EIF3H: variants seen among roughly 807,000 people sequenced by gnomAD.
The protein encoded by EIF3H is eIF-3-gamma.
Under a neutral mutation model 44.2 loss-of-function variants are expected in EIF3H, and 26 were observed. The ratio of observed to expected loss-of-function variants is 0.59; its 90% CI spans 0.43 to 0.82. EIF3H has a LOEUF of 0.82. Ranked by LOEUF, EIF3H falls within the 40% of genes least tolerant of loss-of-function variation. The pLI is 0.00. For missense variants in EIF3H, 359 were observed against 432.8 expected, an observed-to-expected ratio of 0.83 and a Z score of 1.51; for synonymous variants, 166 against 151.9, an observed-to-expected ratio of 1.09 and a Z score of -0.68.
chr8:116,748,164 A>C (rs570117605), intron 1 of EIF3H, among the ~76,000 whole-genome samples: 64 of 152,042 alleles, frequency 4.2e-4, no homozygotes, highest in Non-Finnish European at 5.1e-4. Flanking sequence ...AAAACAAAAA[A>C]AAAAACAAAA....
In EIF3H at chr8:116,709,494, C is replaced by T. The variant is rs145737530; in HGVS notation, c.289+16522G>A. ...TTTATCAAAAAGGTAACCATATGCA[C>T]GTATGCAAAAAGAACTATTGTACAA... On this transcript the variant is annotated intron_variant, in intron 2 of 7. Coordinates refer to ENST00000521861, the MANE Select transcript of EIF3H (RefSeq NM_003756.3). 2.7e-3 allele frequency among the ~76,000 whole-genome samples: 418 copies of T among 152,216 alleles called. 1 individual carries two copies. Among genetic ancestry groups the T allele is most frequent in the African/African-American group, 9.7e-3 (402 of 41,536 alleles).
chr8:116,719,505 T>C (rs1814709693), intron 2 of EIF3H, among the ~76,000 whole-genome samples: 1 of 152,036 alleles, frequency 6.6e-6, no homozygotes, highest in South Asian at 2.1e-4. Flanking sequence ...GAAAGCATAG[T>C]CATCCAGGAA....
chr8:116,665,807 T>C (rs939418604), intron 2 of EIF3H, among the ~76,000 whole-genome samples: 1 of 152,368 alleles, frequency 6.6e-6, no homozygotes, highest in South Asian at 2.1e-4. Flanking sequence ...ATCAGACTTT[T>C]TGCCAAGCTG....
rs1206909219 is a variant in EIF3H at position 116,723,077 on chromosome 8, C to A, written c.289+2939G>T. 2.0e-5 allele frequency among the ~76,000 whole-genome samples: 3 copies of A among 152,200 alleles called. No individual in the cohort carries two copies. The South Asian group carries it at 6.2e-4, about 32-fold the overall frequency. The stretch of plus-strand genomic sequence containing the variant: ...ATAATTGCAATGAATATTATTTCTT[C>A]ATATTCTAAACCAAGAATATGATTT... On this transcript the variant is annotated intron_variant, in intron 2 of 7. Transcript: ENST00000521861.
In EIF3H at chr8:116,643,075, G is replaced by C. The variant is rs1393834317; in HGVS notation, c.*1931C>G. ...TTATTTTGCTCGCTTGCTACTTTAA[G>C]GGTGCTTTGTTTAACTCCACAATAA... On this transcript the variant is annotated 3_prime_UTR_variant, in exon 8 of 8. Coordinates refer to ENST00000521861, the MANE Select transcript of EIF3H (RefSeq NM_003756.3). The C allele has an allele frequency of 1.3e-5, 2 of 152,182 alleles. No individual in the cohort carries two copies. Among genetic ancestry groups the C allele is most frequent in the Non-Finnish European group, 2.9e-5 (2 of 68,028 alleles). 9.4% of individuals were successfully genotyped at this position (152,182 alleles called of 1,614,324 possible). A position where few individuals can be genotyped will look rare whatever the true frequency, so the allele number is the denominator to read the frequency against.
chr8:116,692,067 A>G (rs978666064), intron 2 of EIF3H, among the ~76,000 whole-genome samples: 14 of 152,280 alleles, frequency 9.2e-5, no homozygotes, highest in Admixed American at 2.6e-4. Flanking sequence ...TAAGTAGTAC[A>G]GCTTTCTAGA....
chr8:116,746,893 G>A (rs200117704), intron 1 of EIF3H, among the ~76,000 whole-genome samples: 2 of 151,942 alleles, frequency 1.3e-5, no homozygotes, highest in Non-Finnish European at 2.9e-5. Context: ...AAAGCAAGGG[G>A]ATAAGAAACA....
intron 1 of EIF3H, among the ~76,000 whole-genome samples, chr8:116,736,522 C>T (rs966820037): frequency 2.6e-5 from 4 of 152,080 alleles, no homozygotes; most frequent in Admixed American, 6.6e-5. Context: ...ATTAGCTGGG[C>T]GTGGTGGCAC....
At chr8:116,648,974 C>T (rs747406198) in intron 5 of EIF3H, 48 bp from the exon 6 acceptor site, 8 of 1,549,134 alleles carry the variant, frequency 5.2e-6, no homozygotes, top group Admixed American at 1.8e-5. Context: ...TAAATTATAG[C>T]TTTGCTACTG....
intron 2 of EIF3H, among the ~76,000 whole-genome samples, chr8:116,669,452 G>A (rs1015063166): frequency 6.6e-6 from 1 of 152,196 alleles, no homozygotes; most frequent in African/African-American, 2.4e-5. Flanking sequence ...GGATGGGAAA[G>A]AGGAGTGAGC....
intron 4 of EIF3H, 133 bp from the exon 5 acceptor site, chr8:116,656,138 AGT>A (rs1813485599): frequency 1.9e-5 from 13 of 697,702 alleles, no homozygotes; most frequent in Non-Finnish European, 2.7e-5. Context: ...AAAAAAAAAA[AGT>A]AGAGAAACTG....
intron 2 of EIF3H, among the ~76,000 whole-genome samples, chr8:116,709,140 G>C (rs1328359891): frequency 2.6e-5 from 4 of 151,994 alleles, no homozygotes; most frequent in Non-Finnish European, 5.9e-5. Flanking sequence ...AACCCAGCTG[G>C]CTCAGGCTTA....
At chr8:116,651,100 T>C (rs1045384990) in intron 5 of EIF3H, among the ~76,000 whole-genome samples, 1 of 152,206 alleles carries the variant, frequency 6.6e-6, no homozygotes, top group African/African-American at 2.4e-5. Flanking sequence ...ATTGTGAATA[T>C]ACTAAAAATG....
chr8:116,727,406 C>T (rs569381876), intron 1 of EIF3H, among the ~76,000 whole-genome samples: 6 of 152,308 alleles, frequency 3.9e-5, no homozygotes, highest in South Asian at 2.1e-4. Flanking sequence ...CTGCACAAAA[C>T]GAAGAAACTA....
intron 1 of EIF3H, among the ~76,000 whole-genome samples, chr8:116,754,177 A>G (rs944906832): frequency 1.3e-5 from 2 of 151,784 alleles, no homozygotes; most frequent in African/African-American, 2.4e-5. Context: ...GCAGTGGCAC[A>G]ATCTCGGCTC....
In EIF3H at chr8:116,674,211, TAGA is replaced by T. The variant is rs776023572; in HGVS notation, c.290-15234_290-15232del. 4.5e-3 allele frequency among the ~76,000 whole-genome samples: 678 copies of T among 150,034 alleles called. 4 individuals are homozygous for T. The highest frequency in any genetic ancestry group is 6.8e-3 in the Non-Finnish European group (458 of 67,764). On this transcript the variant is annotated intron_variant, in intron 2 of 7. Transcript: ENST00000521861. ...TCATAAAGCCCAAGACTCTGCTGAGTAGAAGAAGGAAAGAGAGCTGGCAATTTT... is the reference window on the plus strand; with the variant it reads ...TCATAAAGCCCAAGACTCTGCTGAGTAGAAGGAAAGAGAGCTGGCAATTTT...
chr8:116,647,487 A>G (rs975657356), intron 6 of EIF3H, among the ~76,000 whole-genome samples: 2 of 152,238 alleles, frequency 1.3e-5, no homozygotes, highest in Admixed American at 6.5e-5. Context: ...TAATGCTTCA[A>G]ATACTTTCAA....
chr8:116,757,951 A>G (rs888392338), upstream of EIF3H, among the ~76,000 whole-genome samples: 42 of 152,092 alleles, frequency 2.8e-4, no homozygotes, highest in African/African-American at 9.4e-4. Context: ...CGAACGCCTC[A>G]CCTCAGGTGA....
At chr8:116,689,283 T>C (rs1430420159) in intron 2 of EIF3H, 1 of 287,760 alleles carries the variant, frequency 3.5e-6, no homozygotes, top group Non-Finnish European at 7.0e-6. Context: ...GAAGGAAGGG[T>C]GATGGGGTTT....
Sources: gnomAD v4.1 joint callset for allele counts (sites outside exome capture counted in the v4.1 genomes callset) on GRCh38, gnomAD v4.1.1 for gene constraint, MANE v1.5 for transcripts, NCBI Gene and HGNC (gene_info 2026-07-23, HGNC 2026-07-21) for gene names.